The following SYCP2 variants were observed in gnomAD, a reference collection of about 807,000 sequenced individuals.
SYCP2 encodes the protein synaptonemal complex lateral element protein.
Under a neutral mutation model 211.3 loss-of-function variants are expected in SYCP2, and 55 were observed. The observed-to-expected ratio is 0.26, with a 90% CI of 0.21 to 0.33. The LOEUF is 0.33. Ranked by LOEUF, SYCP2 falls within the 10% of genes least tolerant of loss-of-function variation. SYCP2 has a pLI of 1.00. For missense variants in SYCP2, 1,731 were observed against 1,752.0 expected, an observed-to-expected ratio of 0.99 and a Z score of 0.21; for synonymous variants, 570 against 555.2, an observed-to-expected ratio of 1.03 and a Z score of -0.37.
At chr20:59,885,487 T>C (rs2059768462) in intron 26 of SYCP2, among the ~76,000 whole-genome samples, 1 of 152,056 alleles carries the variant, frequency 6.6e-6, no homozygotes, top group African/African-American at 2.4e-5. Context: ...AAACTTGAAA[T>C]ATTAAGTGGA....
chr20:59,881,379 G>T, intron 29 of SYCP2, 58 bp downstream of exon 29: 2 of 867,460 alleles, frequency 2.3e-6, no homozygotes, highest in Non-Finnish European at 3.6e-6. Context: ...AAGACTGGGA[G>T]GAGATATTTA....
At chr20:59,875,600 C>G (rs921931265) in intron 33 of SYCP2, 131 bp from the exon 34 acceptor site, 1 of 621,740 alleles carries the variant, frequency 1.6e-6, no homozygotes, top group Non-Finnish European at 2.7e-6. Context: ...AGGACCTAGA[C>G]ATGAGTAGTG....
At position 59,893,124 on chromosome 20, in the gene SYCP2, T is replaced by A; in HGVS notation, c.1793+18A>T. 2.6e-6 allele frequency: 4 copies of A among 1,563,598 alleles called. No homozygotes were observed. Among genetic ancestry groups the A allele is most frequent in the Non-Finnish European group, 3.5e-6 (4 of 1,143,012 alleles). On this transcript the variant is annotated intron_variant, in intron 22 of 44. Transcript: ENST00000357552. ...CATTAGTATAGACTAAATGATTTGATGGTTTTCTCATACTTACATAGTATG... is the reference window on the plus strand; with the variant it reads ...CATTAGTATAGACTAAATGATTTGAAGGTTTTCTCATACTTACATAGTATG...
intron 2 of SYCP2, among the ~76,000 whole-genome samples, chr20:59,924,861 C>T (rs143849624): frequency 5.3e-4 from 81 of 152,052 alleles, no homozygotes; most frequent in African/African-American, 1.9e-3. Flanking sequence ...CATGACTTGA[C>T]TTATGATCAA....
chr20:59,924,929 G>A (rs1400502877), intron 2 of SYCP2, among the ~76,000 whole-genome samples: 1 of 151,926 alleles, frequency 6.6e-6, no homozygotes, highest in Non-Finnish European at 1.5e-5. Context: ...AATCTATACT[G>A]TTCAACTGGA....
At chr20:59,928,921 C>G (rs1000637376) in intron 2 of SYCP2, among the ~76,000 whole-genome samples, 2 of 151,882 alleles carry the variant, frequency 1.3e-5, no homozygotes, top group African/African-American at 4.8e-5. Flanking sequence ...AACAAATGCA[C>G]AAAACATAAA....
chr20:59,864,283 G>GAT lies in SYCP2; in HGVS notation c.*26_*27dup. Reference sequence around the variant, plus strand: ...AGTTATATACAGAGAATAATAATTAGATAAAGTATGGTGATAAAAACTAGA... The same window carrying GAT: ...AGTTATATACAGAGAATAATAATTAGATATAAAGTATGGTGATAAAAACTAGA... On this transcript the variant is annotated 3_prime_UTR_variant, in exon 45 of 45. Transcript: ENST00000357552. The GAT allele has an allele frequency of 6.9e-7, 1 of 1,439,106 alleles. No individual in the cohort carries two copies. Among genetic ancestry groups the GAT allele is most frequent in the Non-Finnish European group, 9.6e-7 (1 of 1,038,076 alleles). 89.1% of individuals were successfully genotyped at this position (1,439,106 alleles called of 1,614,324 possible).
At position 59,882,081 on chromosome 20, in the gene SYCP2, C is replaced by G. The variant is rs1483875738; in HGVS notation, c.2600+14G>C. 10 of 1,609,976 alleles carry G rather than the reference C, an allele frequency of 6.2e-6. No individual in the cohort carries two copies. In the South Asian group the frequency reaches 9.9e-5, roughly 16 times the overall value. ...AATATGAAGAAAATGAAAAATATTA[C>G]AAAAAATACTTACACTGGGCATTCA... On this transcript the variant is annotated intron_variant, in intron 27 of 44. Coordinates refer to ENST00000357552, the MANE Select transcript of SYCP2 (RefSeq NM_014258.4).
At position 59,915,524 on chromosome 20, in the gene SYCP2, A is replaced by T. The variant is rs2060422582; in HGVS notation, c.540T>A (p.Leu180=). 1.2e-6 allele frequency: 2 copies of T among 1,608,900 alleles called. No homozygotes were observed. Among genetic ancestry groups the T allele is most frequent in the Non-Finnish European group, 1.7e-6 (2 of 1,175,802 alleles). The stretch of plus-strand genomic sequence containing the variant: ...TCCGGGCATCTTGAGGCATTTTGTC[A>T]AGCATAGCATTCATTTTTTTTATAA... ...QEIIKKMNAM[L]DKMPQDARKI... Residue 180 remains leucine (L), a synonymous_variant, in exon 9 of 45, where the codon CTT becomes CTA. Coordinates refer to ENST00000357552, the MANE Select transcript of SYCP2 (RefSeq NM_014258.4).
intron 24 of SYCP2, 67 bp downstream of exon 24, chr20:59,891,923 T>C: frequency 7.4e-7 from 1 of 1,356,406 alleles, no homozygotes; most frequent in South Asian, 1.5e-5. Flanking sequence ...TCAAGTTTCT[T>C]TCTTTCTTAT....
chr20:59,929,656 T>C (rs1304792769), intron 2 of SYCP2, among the ~76,000 whole-genome samples: 1 of 151,710 alleles, frequency 6.6e-6, no homozygotes, highest in Non-Finnish European at 1.5e-5. Flanking sequence ...AAATTCTTTA[T>C]GTAAAATCTA....
In SYCP2 at chr20:59,920,583, C is replaced by T; in HGVS notation, c.169-96G>A. On this transcript the variant is annotated intron_variant, in intron 4 of 44. Transcript: ENST00000357552. ...TGTTACACATATATTTTAATCTTCA[C>T]AAATCCTGAAAGATGGTCATTTTAA... The T allele has an allele frequency of 6.9e-6, 7 of 1,017,348 alleles. No individual in the cohort carries two copies. The South Asian group carries it at 1.1e-4, about 17-fold the overall frequency. The allele number at this position is 1,017,348 out of a possible 1,614,324, so 63.0% of individuals were successfully genotyped here. A position where few individuals can be genotyped will look rare whatever the true frequency, so the allele number is the denominator to read the frequency against.
intron 3 of SYCP2, 44 bp downstream of exon 3, chr20:59,922,346 A>AT: frequency 1.3e-6 from 2 of 1,550,352 alleles, no homozygotes; most frequent in South Asian, 1.2e-5. Flanking sequence ...ACAAAAAGTG[A>AT]TTTTCAGAAT....
chr20:59,903,882 T>G (rs1230464279), intron 15 of SYCP2, among the ~76,000 whole-genome samples: 2 of 152,178 alleles, frequency 1.3e-5, no homozygotes, highest in Non-Finnish European at 2.9e-5. Flanking sequence ...GGGGAAAATG[T>G]AGGATATTGT....
intron 12 of SYCP2, 50 bp downstream of exon 12, chr20:59,913,925 T>C: frequency 1.4e-6 from 2 of 1,424,662 alleles, no homozygotes; most frequent in Non-Finnish European, 9.6e-7. Context: ...TGCTCACTCT[T>C]GAGCTCTATT....
chr20:59,927,226 T>G (rs531325420), intron 2 of SYCP2, among the ~76,000 whole-genome samples: 1 of 152,284 alleles, frequency 6.6e-6, no homozygotes, highest in South Asian at 2.1e-4. Flanking sequence ...CACTTAAATC[T>G]TTCAGTCCTT....
Position 59,911,180 on chromosome 20 carries a change from G to T in SYCP2, c.972+570C>A, listed in dbSNP as rs371808751. Among the ~76,000 whole-genome samples, 6 of 152,260 alleles carry T rather than the reference G, an allele frequency of 3.9e-5. No homozygotes were observed. In the East Asian group the frequency reaches 9.7e-4, roughly 25 times the overall value. On this transcript the variant is annotated intron_variant, in intron 14 of 44. Coordinates refer to ENST00000357552, the MANE Select transcript of SYCP2 (RefSeq NM_014258.4). ...TGTATGCAAATGTATCAAATACGAG[G>T]TGGTAGCTATTATGAAATAATGGCT...
intron 5 of SYCP2, among the ~76,000 whole-genome samples, chr20:59,920,141 G>A (rs2060513873): frequency 6.6e-6 from 1 of 151,590 alleles, no homozygotes; most frequent in South Asian, 2.1e-4. Flanking sequence ...CAAGGCCTTA[G>A]GGAGCTTAAA....
chr20:59,933,205 A>G (rs1414291317), intron 1 of SYCP2: 2 of 152,024 alleles, frequency 1.3e-5, no homozygotes, highest in African/African-American at 4.8e-5. Flanking sequence ...CCGCTCGCCA[A>G]GCGCACCGCC....
Sources: allele counts gnomAD v4.1 joint callset (sites outside exome capture counted in the v4.1 genomes callset), GRCh38; gene constraint gnomAD v4.1.1; transcripts MANE v1.5; gene names NCBI Gene and HGNC (gene_info 2026-07-23, HGNC 2026-07-21).